DPH6: variants seen among roughly 807,000 people sequenced by gnomAD.
DPH6 encodes diphthamine biosynthesis 6, also known as diphthine--ammonia ligase.
Under a neutral mutation model 38.2 loss-of-function variants are expected in DPH6, and 33 were observed. That is an observed-to-expected ratio of 0.86 (90% CI 0.65 to 1.15). DPH6 has a LOEUF of 1.15. Ranked by LOEUF, DPH6 falls within the 50% of genes most tolerant of loss-of-function variation. DPH6 has a pLI of 0.00. For missense variants in DPH6, 325 were observed against 320.0 expected (o/e 1.02, Z -0.12); for synonymous variants, 108 against 103.0 (o/e 1.05, Z -0.30).
the DPH6 span, among the ~76,000 whole-genome samples, chr15:35,200,310 T>C: frequency 5.3e-5 from 8 of 152,226 alleles, no homozygotes; most frequent in African/African-American, 1.7e-4. Context: ...GATGTTTCTT[T>C]GGTCTTTTCA....
chr15:35,397,408 A>G (rs1047410006), intron 6 of DPH6, among the ~76,000 whole-genome samples: 2 of 152,240 alleles, frequency 1.3e-5, no homozygotes, highest in African/African-American at 2.4e-5. Flanking sequence ...ACTGCTACTG[A>G]TAAAGATGGT....
chr15:35,256,283 T>C (rs1160770903), intron 3 of DPH6, among the ~76,000 whole-genome samples: 1 of 152,224 alleles, frequency 6.6e-6, no homozygotes, highest in Non-Finnish European at 1.5e-5. Context: ...TTTATAGTCA[T>C]ATCTCCTTAG....
intron 3 of DPH6, among the ~76,000 whole-genome samples, chr15:35,223,577 T>G (rs919087896): frequency 6.6e-6 from 1 of 151,972 alleles, no homozygotes; most frequent in African/African-American, 2.4e-5. Context: ...TCCCAGCTAC[T>G]CGGGAGGCTG....
chr15:35,446,498 C>G (rs78657014), intron 5 of DPH6, among the ~76,000 whole-genome samples: 32,588 of 152,008 alleles, frequency 0.21, 4,543 homozygotes, highest in African/African-American at 0.4. Flanking sequence ...GGAATACAGG[C>G]ATGAGCCACT....
intron 6 of DPH6, among the ~76,000 whole-genome samples, chr15:35,393,465 G>GT (rs908397380): frequency 3.3e-5 from 5 of 152,124 alleles, no homozygotes; most frequent in Non-Finnish European, 4.4e-5. Flanking sequence ...ACAGGAAATG[G>GT]TTTTTTTGTT....
chr15:35,282,803 G>A, intron 3 of DPH6: 1 of 338,564 alleles, frequency 3.0e-6, no homozygotes, highest in Non-Finnish European at 6.2e-6. Context: ...CAGCATCACA[G>A]CACAGGACCA....
downstream of DPH6, among the ~76,000 whole-genome samples, chr15:35,368,301 T>C (rs1229477036): frequency 2.6e-5 from 4 of 151,322 alleles, no homozygotes; most frequent in African/African-American, 4.9e-5. Context: ...AATCAGGGAG[T>C]GGCCATTGGT....
intron 5 of DPH6, among the ~76,000 whole-genome samples, chr15:35,417,136 C>T (rs1233452700): frequency 6.6e-6 from 1 of 152,004 alleles, no homozygotes; most frequent in African/African-American, 2.4e-5. Context: ...AATTTTCTTG[C>T]ACTTCCACAT....
At chr15:35,528,782 T>C (rs1345748909) in intron 3 of DPH6, among the ~76,000 whole-genome samples, 1 of 152,204 alleles carries the variant, frequency 6.6e-6, no homozygotes, top group Non-Finnish European at 1.5e-5. Context: ...CCTATTACAA[T>C]GCATATTGAT....
At chr15:35,260,138 T>C (rs2051736514) in intron 3 of DPH6, among the ~76,000 whole-genome samples, 1 of 152,226 alleles carries the variant, frequency 6.6e-6, no homozygotes, top group East Asian at 1.9e-4. Flanking sequence ...AGACAGAGTC[T>C]TGCTCTGTCG....
intron 5 of DPH6, among the ~76,000 whole-genome samples, chr15:35,450,456 T>TAAA (rs1170382391): frequency 8.0e-6 from 1 of 125,286 alleles, no homozygotes; most frequent in African/African-American, 2.9e-5. Context: ...TGTTATATGT[T>TAAA]AAAAAAAAAA....
chr15:35,228,150 T>C (rs1566844250), intron 3 of DPH6, among the ~76,000 whole-genome samples: 1 of 152,214 alleles, frequency 6.6e-6, no homozygotes, highest in African/African-American at 2.4e-5. Flanking sequence ...TGGTCTATAG[T>C]GTAGACCAAC....
intron 3 of DPH6, among the ~76,000 whole-genome samples, chr15:35,226,512 A>G (rs1189177096): frequency 6.6e-6 from 1 of 152,188 alleles, no homozygotes; most frequent in Non-Finnish European, 1.5e-5. Flanking sequence ...AAAATGGCAT[A>G]TCATCATCAA....
chr15:35,509,628 T>C (rs376328861), intron 3 of DPH6, among the ~76,000 whole-genome samples: 8 of 152,214 alleles, frequency 5.3e-5, no homozygotes, highest in African/African-American at 1.9e-4. Flanking sequence ...CTGTATTTAT[T>C]GAAAGTACAC....
chr15:35,518,483 CTGTTT>C (rs904801192), intron 3 of DPH6, among the ~76,000 whole-genome samples: 17 of 151,930 alleles, frequency 1.1e-4, no homozygotes, highest in Non-Finnish European at 2.2e-4. Context: ...TTTTAAACTC[CTGTTT>C]TGTTTTGTTT....
intron 6 of DPH6, chr15:35,401,083 A>G (rs2053212836): frequency 1.1e-6 from 1 of 912,934 alleles, no homozygotes; most frequent in Non-Finnish European, 1.8e-6. Flanking sequence ...AAAATTGAAG[A>G]AAAGGGGCTT....
the DPH6 span, among the ~76,000 whole-genome samples, chr15:35,157,622 G>C: frequency 2.0e-5 from 3 of 152,038 alleles, no homozygotes; most frequent in African/African-American, 7.2e-5. Context: ...CATGCCTGGT[G>C]TTGAGGCTCC....
At chr15:35,317,536 A>G (rs529137820) in intron 3 of DPH6, among the ~76,000 whole-genome samples, 1 of 151,312 alleles carries the variant, frequency 6.6e-6, no homozygotes, top group Non-Finnish European at 1.5e-5. Context: ...AAGCATGTAA[A>G]ATTTTCACCA....
chr15:35,261,932 G>A (rs1010909430), intron 3 of DPH6, among the ~76,000 whole-genome samples: 7 of 152,156 alleles, frequency 4.6e-5, no homozygotes, highest in Admixed American at 4.6e-4. Flanking sequence ...TTCACCTGAA[G>A]CTACAGTAGT....
Sources: allele counts gnomAD v4.1 joint callset (sites outside exome capture counted in the v4.1 genomes callset), GRCh38; gene constraint gnomAD v4.1.1; transcripts MANE v1.5; gene names NCBI Gene and HGNC (gene_info 2026-07-23, HGNC 2026-07-21).